Variants in GALK2 observed in about 807,000 individuals in gnomAD.
GALK2 encodes the protein N-acetylgalactosamine kinase.
GALK2 carries 36 observed loss-of-function variants against 52.4 expected under a neutral mutation model. The ratio of observed to expected loss-of-function variants is 0.69; its 90% CI spans 0.53 to 0.91. The LOEUF (loss-of-function observed/expected upper bound fraction) is 0.91, where lower values mean the gene tolerates loss of function less well. Among genes scored for constraint, GALK2 ranks in the 40% least tolerant of loss-of-function variants. GALK2 has a pLI of 0.00. For missense variants in GALK2, 579 were observed against 559.1 expected (o/e 1.04, Z -0.36); for synonymous variants, 176 against 199.1 (o/e 0.88, Z 0.98).
intron 3 of GALK2, among the ~76,000 whole-genome samples, chr15:49,222,728 C>T (rs2089891818): frequency 6.6e-6 from 1 of 152,160 alleles, no homozygotes; most frequent in Admixed American, 6.5e-5. Flanking sequence ...ATCCTTGCAT[C>T]CCTGGGATAA....
At chr15:49,195,723 G>GA (rs1232446593) in intron 1 of GALK2, among the ~76,000 whole-genome samples, 1 of 152,096 alleles carries the variant, frequency 6.6e-6, no homozygotes, top group Non-Finnish European at 1.5e-5. Flanking sequence ...AAAGAGCAGG[G>GA]AAAGGAGACT....
chr15:49,273,343 C>G lies in GALK2; in HGVS notation c.505-8644C>G, dbSNP rs549630376. 5.9e-5 allele frequency among the ~76,000 whole-genome samples: 9 copies of G among 152,214 alleles called. No individual in the cohort carries two copies. In the South Asian group the frequency reaches 1.9e-3, roughly 32 times the overall value. On this transcript the variant is annotated intron_variant, in intron 5 of 9. Coordinates refer to ENST00000560031, the MANE Select transcript of GALK2 (RefSeq NM_002044.4). ...TTTTGATATTTAAACTCCTTCCTTT[C>G]TTTCCTGTATTATTTACAGGAACTT...
At chr15:49,283,335 T>C (rs538085086) in intron 6 of GALK2, among the ~76,000 whole-genome samples, 2 of 152,328 alleles carry the variant, frequency 1.3e-5, no homozygotes, top group African/African-American at 4.8e-5. Context: ...TATTTGTCTG[T>C]CTACTAGACT....
chr15:49,299,348 G>A (rs1453797079), intron 8 of GALK2, among the ~76,000 whole-genome samples: 2 of 151,910 alleles, frequency 1.3e-5, no homozygotes, highest in East Asian at 1.9e-4. Context: ...TTTTGGTTTC[G>A]TTGATCTTTT....
chr15:49,290,314 T>G (rs1307947712), intron 7 of GALK2, among the ~76,000 whole-genome samples: 2 of 152,238 alleles, frequency 1.3e-5, no homozygotes, highest in Non-Finnish European at 2.9e-5. Context: ...CAGCTGTCAT[T>G]GAGGGCATAT....
chr15:49,266,535 C>G, intron 5 of GALK2, among the ~76,000 whole-genome samples: 1 of 152,270 alleles, frequency 6.6e-6, no homozygotes, highest in Admixed American at 6.5e-5. Flanking sequence ...ATCTTCAGAC[C>G]AGCTTCCTCT....
intron 3 of GALK2, among the ~76,000 whole-genome samples, chr15:49,338,994 T>C (rs551907692): frequency 6.6e-5 from 10 of 152,320 alleles, no homozygotes; most frequent in African/African-American, 2.4e-4. Flanking sequence ...ACTTATGTTC[T>C]TCTCTAAACT....
intron 5 of GALK2, among the ~76,000 whole-genome samples, chr15:49,265,218 G>A (rs1007598766): frequency 2.0e-5 from 3 of 152,196 alleles, no homozygotes; most frequent in African/African-American, 7.2e-5. Context: ...GCTGTGGTGG[G>A]CTCCACCCAG....
intron 2 of GALK2, among the ~76,000 whole-genome samples, chr15:49,206,655 T>C (rs1199674612): frequency 6.6e-6 from 1 of 152,204 alleles, no homozygotes; most frequent in Non-Finnish European, 1.5e-5. Flanking sequence ...GCTGTTGGTA[T>C]ATAGAAGAGC....
At chr15:49,240,527 A>T (rs1417199779) in intron 5 of GALK2, among the ~76,000 whole-genome samples, 1 of 152,220 alleles carries the variant, frequency 6.6e-6, no homozygotes, top group East Asian at 1.9e-4. Flanking sequence ...GTAGTTTTCT[A>T]TGGGAGCAGA....
intron 3 of GALK2, among the ~76,000 whole-genome samples, chr15:49,224,983 G>C (rs1016410367): frequency 6.6e-6 from 1 of 152,172 alleles, no homozygotes. Flanking sequence ...TATTTTTGGT[G>C]TTTTAATTTG....
At chr15:49,177,850 C>G (rs1479408666) in intron 1 of GALK2, 1 of 241,120 alleles carries the variant, frequency 4.1e-6, no homozygotes, top group Non-Finnish European at 8.4e-6. Flanking sequence ...TGAATCTTCA[C>G]CGAAGTGAGA....
chr15:49,219,775 C>T (rs915768771), intron 3 of GALK2, among the ~76,000 whole-genome samples: 15 of 152,044 alleles, frequency 9.9e-5, no homozygotes, highest in East Asian at 1.9e-4. Context: ...TGCGCCACTG[C>T]GCTCCAGCCA....
chr15:49,330,759 G>C lies in GALK2; in HGVS notation c.*2600G>C, dbSNP rs1596200062. The C allele has an allele frequency of 6.7e-6, 1 of 148,896 alleles. No individual in the cohort carries two copies. The highest frequency in any genetic ancestry group is 2.2e-4 in the South Asian group (1 of 4,600). The allele number at this position is 148,896 out of a possible 1,614,324, so 9.2% of individuals were successfully genotyped here. ...AAGATAGACCAAAAAAAAAAAAAAA[G>C]AGAGAAAGAATGAATATTTTTGTGT... On this transcript the variant is annotated 3_prime_UTR_variant, in exon 10 of 10. Coordinates refer to ENST00000560031, the MANE Select transcript of GALK2 (RefSeq NM_002044.4).
At chr15:49,161,530 G>C (rs1249673876) in intron 1 of GALK2, among the ~76,000 whole-genome samples, 2 of 151,864 alleles carry the variant, frequency 1.3e-5, no homozygotes, top group African/African-American at 4.8e-5. Flanking sequence ...TTATTCAATG[G>C]TAAATAATAG....
intron 1 of GALK2, among the ~76,000 whole-genome samples, chr15:49,160,592 C>T (rs560079573): frequency 2.0e-5 from 3 of 152,168 alleles, no homozygotes; most frequent in Non-Finnish European, 2.9e-5. Context: ...AGGCCGGGTG[C>T]GGTGGCTCAC....
At position 49,329,127 on chromosome 15, in the gene GALK2, G is replaced by T. The variant is rs2038097152; in HGVS notation, c.*968G>T. On this transcript the variant is annotated 3_prime_UTR_variant, in exon 10 of 10. Coordinates refer to ENST00000560031, the MANE Select transcript of GALK2 (RefSeq NM_002044.4). ...TTTGCTTGTCTAGCAAAGCTTGTTT[G>T]TATATATGCACCCCATTGTAAAGCA... 2 of 991,984 alleles carry T rather than the reference G, an allele frequency of 2.0e-6. No homozygotes were observed. Among genetic ancestry groups the T allele is most frequent in the South Asian group, 4.6e-5 (1 of 21,968 alleles). The allele number at this position is 991,984 out of a possible 1,614,324, so 61.4% of individuals were successfully genotyped here. A position where few individuals can be genotyped will look rare whatever the true frequency, so the allele number is the denominator to read the frequency against.
intron 3 of GALK2, among the ~76,000 whole-genome samples, chr15:49,354,561 C>T (rs188382339): frequency 9.8e-5 from 15 of 152,362 alleles, no homozygotes; most frequent in African/African-American, 3.4e-4. Flanking sequence ...CGGCGCACCA[C>T]GAGATTATAT....
At chr15:49,354,674 C>G (rs2042812445) in intron 3 of GALK2, among the ~76,000 whole-genome samples, 1 of 152,250 alleles carries the variant, frequency 6.6e-6, no homozygotes, top group Non-Finnish European at 1.5e-5. Flanking sequence ...GGGGCGCCCG[C>G]CATTGCCCAG....
Sources: gnomAD v4.1 joint callset for allele counts (sites outside exome capture counted in the v4.1 genomes callset) on GRCh38, gnomAD v4.1.1 for gene constraint, MANE v1.5 for transcripts, NCBI Gene and HGNC (gene_info 2026-07-23, HGNC 2026-07-21) for gene names.